Variants in ELAVL4 observed in about 807,000 individuals in gnomAD.
The protein encoded by ELAVL4 is ELAV like RNA binding protein 4, also known as ELAV-like protein 4.
ELAVL4 carries 1 observed loss-of-function variant against 35.6 expected under a neutral mutation model. The observed-to-expected ratio is 0.03, with a 90% CI of 0.01 to 0.13. The LOEUF (loss-of-function observed/expected upper bound fraction) is 0.13, where lower values mean the gene tolerates loss of function less well. ELAVL4 is among the 10% of genes least tolerant of loss of function. The probability of loss-of-function intolerance (pLI) is 1.00; values close to 1 mark genes in which losing one functional copy is unlikely to be tolerated. For synonymous variants in ELAVL4, 156 were observed against 171.0 expected (o/e 0.91, Z 0.69); for missense variants, 267 against 464.9 (o/e 0.57, Z 3.91).
chr1:50,127,499 G>A (rs1455253783), intron 1 of ELAVL4, among the ~76,000 whole-genome samples: 1 of 152,052 alleles, frequency 6.6e-6, no homozygotes, highest in South Asian at 2.1e-4. Flanking sequence ...GACATGGAAG[G>A]GACATACTGC....
chr1:50,118,012 G>A lies in ELAVL4; in HGVS notation c.9+8814G>A, dbSNP rs527903320. On this transcript the variant is annotated intron_variant, in intron 1 of 6. Transcript: ENST00000371824. ...GATTTAGTTGTCAAAAGAGAAAAAC[G>A]ATGAAGATAAAATTAATTTTAACCA... is the stretch of plus-strand genomic sequence containing the variant. Among the ~76,000 whole-genome samples the A allele has an allele frequency of 5.9e-5, 9 of 152,162 alleles. No homozygotes were observed. In the South Asian group the frequency reaches 8.3e-4, roughly 14 times the overall value.
chr1:50,138,047 G>A (rs990433767), intron 1 of ELAVL4, among the ~76,000 whole-genome samples: 8 of 152,168 alleles, frequency 5.3e-5, no homozygotes, highest in Non-Finnish European at 1.2e-4. Flanking sequence ...ATTAAATAGG[G>A]CTGAGATAAA....
rs1395980912 is a variant in ELAVL4, at chr1:50,201,904, G to T, written c.*726G>T. On this transcript the variant is annotated 3_prime_UTR_variant, in exon 7 of 7. Coordinates refer to ENST00000371824, the MANE Select transcript of ELAVL4 (RefSeq NM_001144774.3). The surrounding 1 kb of genome is among the most constrained non-coding windows in gnomAD (Gnocchi z 4.3). ...TCTCTTTGCTGAAAATGGGTTTCAA[G>T]AAAAATCTATTTTTATAAAATATAA... is the stretch of plus-strand genomic sequence containing the variant. The T allele has an allele frequency of 1.3e-5, 2 of 151,882 alleles. No homozygotes were observed. The highest frequency in any genetic ancestry group is 2.9e-5 in the Non-Finnish European group (2 of 67,978). The allele number at this position is 151,882 out of a possible 1,614,324, so 9.4% of individuals were successfully genotyped here.
chr1:50,107,790 G>A (rs1190013890), upstream of ELAVL4, among the ~76,000 whole-genome samples: 7 of 152,268 alleles, frequency 4.6e-5, no homozygotes, highest in African/African-American at 1.7e-4. Flanking sequence ...GAACTTCTCA[G>A]GTAAGCCACT....
upstream of ELAVL4, among the ~76,000 whole-genome samples, chr1:50,100,193 A>G (rs1665905280): frequency 6.6e-6 from 1 of 152,192 alleles, no homozygotes; most frequent in Non-Finnish European, 1.5e-5. Context: ...TGTGAGATTA[A>G]ATGAGATTTA....
intron 2 of ELAVL4, among the ~76,000 whole-genome samples, chr1:50,160,045 T>C (rs1027479058): frequency 2.0e-5 from 3 of 152,204 alleles, no homozygotes; most frequent in Admixed American, 6.6e-5. Context: ...GTTCTGGGTA[T>C]GATTCAAACC....
In ELAVL4 at chr1:50,145,133, C is replaced by T. The variant is rs1164392782; in HGVS notation, c.186C>T (p.Phe62=). ...CCCAGAATATGACCCAAGAAGAATT[C>T]AGGAGTCTCTTCGGGAGCATTGGTG... The part of the protein sequence containing the change: ...YLPQNMTQEE[F]RSLFGSIGEI... The change falls in exon 2 of 7, where the codon TTC becomes TTT. Residue 62 remains phenylalanine, a synonymous_variant. Transcript: ENST00000371824. 6.2e-7 allele frequency: 1 copy of T among 1,613,974 alleles called. No homozygotes were observed. Among genetic ancestry groups the T allele is most frequent in the Non-Finnish European group, 8.5e-7 (1 of 1,179,940 alleles).
chr1:50,074,596 A>G (rs1422893850), intron 1 of ELAVL4, among the ~76,000 whole-genome samples: 1 of 152,212 alleles, frequency 6.6e-6, no homozygotes, highest in Non-Finnish European at 1.5e-5. Context: ...CACAGAAAAG[A>G]TAAAGTGCAA....
At chr1:50,092,801 A>G (rs1185444892) in intron 1 of ELAVL4, among the ~76,000 whole-genome samples, 2 of 152,168 alleles carry the variant, frequency 1.3e-5, no homozygotes, top group Non-Finnish European at 2.9e-5. Context: ...AGTTAGGTAA[A>G]CCAGCACCAT....
chr1:50,070,140 A>G (rs1664445521), intron 1 of ELAVL4, among the ~76,000 whole-genome samples: 2 of 152,204 alleles, frequency 1.3e-5, no homozygotes, highest in South Asian at 4.1e-4. Context: ...GACACTGTTA[A>G]TGGTGTTGGA....
At chr1:50,172,079 GAT>G (rs142783834) in intron 2 of ELAVL4, among the ~76,000 whole-genome samples, 4,092 of 152,252 alleles carry the variant, frequency 0.027, 147 homozygotes, top group Admixed American at 0.1. Flanking sequence ...TCTGGAGAAT[GAT>G]GGTTTTTAAA....
intron 1 of ELAVL4, among the ~76,000 whole-genome samples, chr1:50,065,382 C>T (rs933618751): frequency 6.6e-6 from 1 of 152,172 alleles, no homozygotes; most frequent in East Asian, 1.9e-4. Flanking sequence ...TTAAGTGCTG[C>T]TCTGAGGTTG....
intron 6 of ELAVL4, among the ~76,000 whole-genome samples, chr1:50,198,323 C>T (rs1644182692): frequency 1.3e-5 from 2 of 152,188 alleles, no homozygotes. Flanking sequence ...AGCTCCACTG[C>T]ACTGCTAGGG....
intron 1 of ELAVL4, among the ~76,000 whole-genome samples, chr1:50,126,102 T>C (rs984959269): frequency 2.6e-5 from 4 of 152,114 alleles, no homozygotes; most frequent in Non-Finnish European, 4.4e-5. Context: ...ATTTTAGGTA[T>C]TGGTAATTTA....
chr1:50,119,596 G>C (rs1410268910), intron 1 of ELAVL4, among the ~76,000 whole-genome samples: 1 of 152,038 alleles, frequency 6.6e-6, no homozygotes, highest in Non-Finnish European at 1.5e-5. Context: ...GCTTAGAACT[G>C]CTTTAGTAAG....
rs33990892 is a variant in ELAVL4 at position 50,184,398 on chromosome 1, C to CAAA, written c.354+7220_354+7222dup. On this transcript the variant is annotated intron_variant, in intron 3 of 6. Coordinates refer to ENST00000371824, the MANE Select transcript of ELAVL4 (RefSeq NM_001144774.3). The stretch of plus-strand genomic sequence containing the variant: ...GCCAACAATGTGATGTGAGCTGCTT[C>CAAA]AAAAAAAAAAAAAAAATCAGCACAA... Among the ~76,000 whole-genome samples the CAAA allele has an allele frequency of 2.3e-3, 327 of 141,922 alleles. 2 individuals are homozygous for CAAA. Among genetic ancestry groups the CAAA allele is most frequent in the African/African-American group, 8.1e-3 (308 of 38,218 alleles). 93.1% of individuals were successfully genotyped at this position (141,922 alleles called of 152,430 possible). A position where few individuals can be genotyped will look rare whatever the true frequency, so the allele number is the denominator to read the frequency against.
intron 1 of ELAVL4, among the ~76,000 whole-genome samples, chr1:50,082,675 A>G (rs1445036034): frequency 6.6e-6 from 1 of 152,126 alleles, no homozygotes; most frequent in East Asian, 1.9e-4. Context: ...ATTCTCATCT[A>G]TTGTCTCCAT....
intron 1 of ELAVL4, among the ~76,000 whole-genome samples, chr1:50,139,793 TG>T (rs1672513290): frequency 6.6e-6 from 1 of 152,124 alleles, no homozygotes; most frequent in Non-Finnish European, 1.5e-5. Context: ...TAAACGACCC[TG>T]GTGATGATCC....
At chr1:50,151,384 A>G (rs1423947613) in intron 2 of ELAVL4, among the ~76,000 whole-genome samples, 2 of 152,240 alleles carry the variant, frequency 1.3e-5, no homozygotes, top group Non-Finnish European at 2.9e-5. Flanking sequence ...GTCACTGCTT[A>G]GCTAAACAAA....
Sources: gnomAD v4.1 joint callset for allele counts (sites outside exome capture counted in the v4.1 genomes callset) on GRCh38, gnomAD v4.1.1 for gene constraint, Gnocchi (gnomAD v3.1) non-coding constraint, MANE v1.5 for transcripts, NCBI Gene and HGNC (gene_info 2026-07-23, HGNC 2026-07-21) for gene names.